The following RAB3IL1 variants were observed in gnomAD, a reference collection of about 807,000 sequenced individuals.
RAB3IL1 encodes the protein guanine nucleotide exchange factor for Rab-3A.
RAB3IL1 carries 37 observed loss-of-function variants against 49.2 expected under a neutral mutation model. The observed-to-expected ratio is 0.75, with a 90% confidence interval of 0.58 to 0.99. The LOEUF (loss-of-function observed/expected upper bound fraction) is 0.99. RAB3IL1 is among the 50% of genes least tolerant of loss of function. The pLI is 0.00. For missense variants in RAB3IL1, 484 were observed against 513.0 expected, an observed-to-expected ratio of 0.94 and a Z score of 0.55; for synonymous variants, 193 against 213.9, an observed-to-expected ratio of 0.90 and a Z score of 0.85.
At chr11:61,933,156 C>T in the RAB3IL1 span, among the ~76,000 whole-genome samples, 1 of 152,162 alleles carries the variant, frequency 6.6e-6, no homozygotes, top group Non-Finnish European at 1.5e-5. Context: ...GATATTGAAT[C>T]CTAATCTTTG....
chr11:61,921,958 G>A (rs1939918303), upstream of RAB3IL1, among the ~76,000 whole-genome samples: 1 of 152,072 alleles, frequency 6.6e-6, no homozygotes. Context: ...GGAGGCCGAG[G>A]TGGGAGGATC....
At chr11:61,923,512 C>T (rs1203871879), upstream of RAB3IL1, among the ~76,000 whole-genome samples, 4 of 152,356 alleles carry the variant, frequency 2.6e-5, no homozygotes, top group South Asian at 6.2e-4. Flanking sequence ...CCACGCACAC[C>T]TGGCTGGGCA....
chr11:61,926,818 G>A, the RAB3IL1 span, among the ~76,000 whole-genome samples: 4 of 152,098 alleles, frequency 2.6e-5, no homozygotes, highest in Non-Finnish European at 4.4e-5. Flanking sequence ...CTCCCAAAGT[G>A]CTGGAATTGT....
At chr11:61,921,451 C>T (rs1453759340), upstream of RAB3IL1, among the ~76,000 whole-genome samples, 1 of 152,228 alleles carries the variant, frequency 6.6e-6, no homozygotes, top group African/African-American at 2.4e-5. Context: ...ACTATCCCCC[C>T]TGACTGCTAT....
At chr11:61,920,405 C>T, upstream of RAB3IL1, 4 of 540,042 alleles carry the variant, frequency 7.4e-6, no homozygotes, top group Non-Finnish European at 1.1e-5. Context: ...GCAGAAGACA[C>T]TGGGCCCTCC....
At chr11:61,920,121 T>C, upstream of RAB3IL1, 2 of 1,354,012 alleles carry the variant, frequency 1.5e-6, no homozygotes, top group South Asian at 1.8e-5. Context: ...GGACAGTCCC[T>C]GCACTCATGG....
intron 2 of RAB3IL1, 112 bp downstream of exon 2, chr11:61,907,942 A>G: frequency 6.8e-7 from 1 of 1,462,178 alleles, no homozygotes. Context: ...GGCCTCGGTG[A>G]GGGCACATCC....
At chr11:61,924,887 A>G (rs534944394), upstream of RAB3IL1, among the ~76,000 whole-genome samples, 7 of 152,246 alleles carry the variant, frequency 4.6e-5, no homozygotes, top group South Asian at 6.2e-4. Flanking sequence ...CCCGCTCTCA[A>G]CTCCTCAGAA....
Position 61,908,188 on chromosome 11 carries a change from CAG to C in RAB3IL1, c.128_129del (p.Ser43CysfsTer55). On this transcript the variant is annotated frameshift_variant, in exon 2 of 10. Coordinates refer to ENST00000394836, the MANE Select transcript of RAB3IL1 (RefSeq NM_013401.4). LOFTEE classifies it high-confidence loss of function. ...TCCTGGCCTTGGGCCTCCTCCCCTGCAGAGGTCTCCACCAGGGCTCCTGGGGA... is the reference window on the plus strand; with the variant it reads ...TCCTGGCCTTGGGCCTCCTCCCCTGCAGGTCTCCACCAGGGCTCCTGGGGA... ...RESPGALVET[S>X]AGEEAQGQEG... 6.4e-7 allele frequency: 1 copy of C among 1,551,132 alleles called. No homozygotes were observed. Among genetic ancestry groups the C allele is most frequent in the Non-Finnish European group, 8.7e-7 (1 of 1,149,290 alleles).
At chr11:61,905,910 G>T (rs1431828236) in intron 5 of RAB3IL1, among the ~76,000 whole-genome samples, 1 of 152,178 alleles carries the variant, frequency 6.6e-6, no homozygotes, top group African/African-American at 2.4e-5. Context: ...CCATGACCAT[G>T]AGTGTCAGCC....
At position 61,904,786 on chromosome 11, in the gene RAB3IL1, C is replaced by A. The variant is rs759926862; in HGVS notation, c.754G>T (p.Val252Leu). 1 of 1,609,478 alleles carries A rather than the reference C, an allele frequency of 6.2e-7. No individual in the cohort carries two copies. Among genetic ancestry groups the A allele is most frequent in the Admixed American group, 1.7e-5 (1 of 59,082 alleles). The change falls in exon 6 of 10, where the codon GTG (valine) becomes TTG (leucine). Residue 252 changes from valine to leucine, a missense_variant. By Grantham distance (32) the Val-to-Leu change is conservative. Transcript: ENST00000394836. ...PFLERVYRED[V>L]GPCLDFTMQE... Reference sequence around the variant, plus strand: ...ATTGTGAAGTCCAGGCAGGGGCCCACGTCCTCTCGGTACACCCTTTCCAGG... The same window carrying A: ...ATTGTGAAGTCCAGGCAGGGGCCCAAGTCCTCTCGGTACACCCTTTCCAGG...
the RAB3IL1 span, among the ~76,000 whole-genome samples, chr11:61,945,133 C>T: frequency 6.6e-6 from 1 of 152,204 alleles, no homozygotes; most frequent in Non-Finnish European, 1.5e-5. Context: ...GCCCATTGAC[C>T]TGACAGATAG....
rs1938688674 is a variant in RAB3IL1 at position 61,897,668 on chromosome 11, A to AG, written c.*609dup. 8.8e-6 allele frequency: 1 copy of AG among 114,000 alleles called. No individual in the cohort carries two copies. Among genetic ancestry groups the AG allele is most frequent in the Non-Finnish European group, 1.8e-5 (1 of 54,412 alleles). 7.1% of individuals were successfully genotyped at this position (114,000 alleles called of 1,614,324 possible). A position where few individuals can be genotyped will look rare whatever the true frequency, so the allele number is the denominator to read the frequency against. ...GGCCTTTATGAAGGGGGAGGGAGGAAGGGGGAAAGGAAGGGAGGAAGCGGG... is the reference window on the plus strand; with the variant it reads ...GGCCTTTATGAAGGGGGAGGGAGGAAGGGGGGAAAGGAAGGGAGGAAGCGGG... On this transcript the variant is annotated 3_prime_UTR_variant, in exon 10 of 10. Transcript: ENST00000394836.
the RAB3IL1 span, among the ~76,000 whole-genome samples, chr11:61,929,638 T>C: frequency 6.7e-4 from 101 of 149,632 alleles, no homozygotes; most frequent in African/African-American, 2.4e-3. Context: ...CAGGCTGGAG[T>C]GCAGTGGTGT....
At chr11:61,937,949 G>A in the RAB3IL1 span, 11 of 151,896 alleles carry the variant, frequency 7.2e-5, no homozygotes, top group East Asian at 3.9e-4. Context: ...GAAGATTAGC[G>A]TGGCCCCTGT....
At chr11:61,918,704 C>G (rs73491251), upstream of RAB3IL1, among the ~76,000 whole-genome samples, 5 of 152,314 alleles carry the variant, frequency 3.3e-5, no homozygotes, top group Non-Finnish European at 7.3e-5. Context: ...GCTCTTTCCC[C>G]GCTGGGCACA....
At chr11:61,916,331 G>A (rs1939684500) in intron 1 of RAB3IL1, among the ~76,000 whole-genome samples, 1 of 151,140 alleles carries the variant, frequency 6.6e-6, no homozygotes, top group African/African-American at 2.4e-5. Flanking sequence ...GGGTGACAGA[G>A]CAAGACTCCG....
chr11:61,908,383 G>A (rs918350039), intron 1 of RAB3IL1, 77 bp from the exon 2 acceptor site: 28 of 1,318,152 alleles, frequency 2.1e-5, no homozygotes, highest in South Asian at 1.6e-4. Flanking sequence ...AAACCGCCCC[G>A]GGGCAATGTG....
intron 7 of RAB3IL1, among the ~76,000 whole-genome samples, chr11:61,903,668 C>T (rs906312626): frequency 6.6e-5 from 10 of 152,118 alleles, no homozygotes; most frequent in African/African-American, 2.4e-4. Context: ...AGATTACAGG[C>T]GTGTGCCACC....
Sources: gnomAD v4.1 joint callset for allele counts (sites outside exome capture counted in the v4.1 genomes callset) on GRCh38, gnomAD v4.1.1 for gene constraint, MANE v1.5 for transcripts, NCBI Gene and HGNC (gene_info 2026-07-23, HGNC 2026-07-21) for gene names.